The following PRELID2 variants were observed in gnomAD, a reference collection of about 807,000 sequenced individuals.
PRELID2 encodes PRELI domain containing 2.
In PRELID2, 25 loss-of-function variants were observed where a neutral mutation model predicts 28.4. That is an observed-to-expected ratio of 0.88 (90% CI 0.64 to 1.23). PRELID2 has a LOEUF of 1.23. PRELID2 is among the 50% of genes most tolerant of loss of function. The pLI is 0.00. For missense variants in PRELID2, 201 were observed against 214.4 expected, an observed-to-expected ratio of 0.94 and a Z score of 0.39; for synonymous variants, 76 against 71.6, an observed-to-expected ratio of 1.06 and a Z score of -0.31.
chr5:145,317,008 C>A, the PRELID2 span, among the ~76,000 whole-genome samples: 1 of 152,216 alleles, frequency 6.6e-6, no homozygotes, highest in Non-Finnish European at 1.5e-5. Context: ...ATTTCCTGCA[C>A]TTCTGTAATC....
chr5:145,750,250 T>G (rs1757092293), intron 1 of PRELID2, among the ~76,000 whole-genome samples: 1 of 151,872 alleles, frequency 6.6e-6, no homozygotes, highest in Non-Finnish European at 1.5e-5. Flanking sequence ...TTTAACTATG[T>G]GCCAGGAACT....
downstream of PRELID2, among the ~76,000 whole-genome samples, chr5:145,468,919 A>G (rs1260448115): frequency 6.6e-6 from 1 of 152,140 alleles, no homozygotes; most frequent in African/African-American, 2.4e-5. Flanking sequence ...CTTTAGTTTA[A>G]TTAGATCCCA....
chr5:145,736,020 A>G (rs1411645153), intron 1 of PRELID2, among the ~76,000 whole-genome samples: 1 of 152,128 alleles, frequency 6.6e-6, no homozygotes, highest in Non-Finnish European at 1.5e-5. Context: ...AGGACCTCTC[A>G]TCACTGCCTC....
chr5:145,698,842 T>C (rs970622250), intron 1 of PRELID2, among the ~76,000 whole-genome samples: 2 of 152,236 alleles, frequency 1.3e-5, no homozygotes, highest in African/African-American at 4.8e-5. Flanking sequence ...TTCTCCTGCC[T>C]CAGCCTTCCA....
chr5:145,372,723 T>C, the PRELID2 span, among the ~76,000 whole-genome samples: 1 of 151,216 alleles, frequency 6.6e-6, no homozygotes, highest in Non-Finnish European at 1.5e-5. Context: ...ATCCTTTTAT[T>C]TTTAGCCTAG....
At chr5:145,607,525 G>A (rs950688472) in intron 1 of PRELID2, among the ~76,000 whole-genome samples, 1 of 152,096 alleles carries the variant, frequency 6.6e-6, no homozygotes, top group Non-Finnish European at 1.5e-5. Context: ...TCAGGAACAG[G>A]TTGCTTAATT....
At chr5:145,343,764 C>A in the PRELID2 span, among the ~76,000 whole-genome samples, 2 of 151,602 alleles carry the variant, frequency 1.3e-5, no homozygotes. Context: ...CGATAAACCA[C>A]TATGTAGATG....
Position 145,640,247 on chromosome 5 carries a change from G to A in PRELID2, n.70+124684C>T, listed in dbSNP as rs535309054. Among the ~76,000 whole-genome samples the A allele has an allele frequency of 1.2e-4, 18 of 152,180 alleles. 1 individual carries two copies. In the East Asian group the frequency reaches 3.5e-3, roughly 30 times the overall value. On this transcript the variant is annotated intron_variant and non_coding_transcript_variant, in intron 1 of 2. Coordinates refer to the PRELID2 transcript ENST00000510259. ...CACGCCTGTAATCCCAGCAATTTGG[G>A]AGGCCGAGGCGGGCGGATCACGAGG...
intron 1 of PRELID2, among the ~76,000 whole-genome samples, chr5:145,713,432 T>TTA (rs1227031117): frequency 6.9e-6 from 1 of 144,420 alleles, no homozygotes; most frequent in Non-Finnish European, 1.5e-5. Context: ...ATATCTGACT[T>TTA]TATATATATA....
At chr5:145,828,768 C>G (rs1279780908) in intron 1 of PRELID2, among the ~76,000 whole-genome samples, 1 of 151,844 alleles carries the variant, frequency 6.6e-6, no homozygotes, top group East Asian at 1.9e-4. Flanking sequence ...ATATATCCTC[C>G]TCTGTCCCTT....
the PRELID2 span, among the ~76,000 whole-genome samples, chr5:145,263,827 G>A: frequency 4.0e-4 from 61 of 150,834 alleles, no homozygotes; most frequent in South Asian, 0.012. Flanking sequence ...ACAAGCAGCA[G>A]GATAGAAATG....
intron 1 of PRELID2, chr5:145,728,543 A>G (rs1358463644): frequency 1.3e-6 from 1 of 786,380 alleles, no homozygotes; most frequent in African/African-American, 1.7e-5. Flanking sequence ...CCACATCAGC[A>G]TCATCCTCAA....
At chr5:145,416,530 C>T in the PRELID2 span, among the ~76,000 whole-genome samples, 10 of 151,968 alleles carry the variant, frequency 6.6e-5, no homozygotes, top group Non-Finnish European at 1.2e-4. Flanking sequence ...TGACAAAGGG[C>T]AAATATCCTG....
chr5:145,378,971 TC>T, the PRELID2 span, among the ~76,000 whole-genome samples: 1 of 152,312 alleles, frequency 6.6e-6, no homozygotes, highest in Non-Finnish European at 1.5e-5. Context: ...TTCTTTTTTT[TC>T]TATTAGATGA....
At chr5:145,638,376 G>C (rs1754039072) in intron 1 of PRELID2, among the ~76,000 whole-genome samples, 1 of 151,894 alleles carries the variant, frequency 6.6e-6, no homozygotes, top group African/African-American at 2.4e-5. Flanking sequence ...TGACAACATG[G>C]CCTCCTCACC....
At chr5:145,495,048 G>A (rs1228053266) in intron 1 of PRELID2, among the ~76,000 whole-genome samples, 1 of 152,184 alleles carries the variant, frequency 6.6e-6, no homozygotes, top group Non-Finnish European at 1.5e-5. Context: ...ATCATTCACA[G>A]AAGTGGTCTA....
At chr5:145,835,128 CAAGCAGCGG>C in intron 1 of PRELID2, 40 bp downstream of exon 1, 1 of 1,319,172 alleles carries the variant, frequency 7.6e-7, no homozygotes, top group Non-Finnish European at 1.1e-6. Flanking sequence ...GAGAGAGGGG[CAAGCAGCGG>C]AGGCAGCGCG....
the PRELID2 span, among the ~76,000 whole-genome samples, chr5:145,300,595 T>C: frequency 6.6e-6 from 1 of 151,862 alleles, no homozygotes; most frequent in Admixed American, 6.6e-5. Context: ...ATTATATAAC[T>C]ATACATTTGT....
the PRELID2 span, among the ~76,000 whole-genome samples, chr5:145,466,466 A>G: frequency 3.3e-5 from 5 of 152,138 alleles, no homozygotes; most frequent in Non-Finnish European, 4.4e-5. Context: ...TCAAATTAGA[A>G]TATATATTAC....
Sources: allele counts gnomAD v4.1 joint callset (sites outside exome capture counted in the v4.1 genomes callset), GRCh38; gene constraint gnomAD v4.1.1; transcripts MANE v1.5; gene names NCBI Gene and HGNC (gene_info 2026-07-23, HGNC 2026-07-21).